MYO3A: variants seen among roughly 807,000 people sequenced by gnomAD.
MYO3A encodes myosin IIIA.
In MYO3A, 180 loss-of-function variants were observed where a neutral mutation model predicts 192.7. The observed-to-expected ratio is 0.93, with a 90% CI of 0.83 to 1.06. The LOEUF (loss-of-function observed/expected upper bound fraction) is 1.06. Among genes scored for constraint, MYO3A ranks in the 50% least tolerant of loss-of-function variants. MYO3A has a pLI of 0.00. For synonymous variants in MYO3A, 628 were observed against 645.3 expected, an observed-to-expected ratio of 0.97 and a Z score of 0.41; for missense variants, 1,896 against 1,905.0, an observed-to-expected ratio of 1.00 and a Z score of 0.09.
At chr10:25,937,829 T>C (rs1175411200) in intron 2 of MYO3A, among the ~76,000 whole-genome samples, 1 of 152,222 alleles carries the variant, frequency 6.6e-6, no homozygotes, top group East Asian at 1.9e-4. Flanking sequence ...AATAAAACAT[T>C]GGTTATGGCT....
At chr10:26,064,747 C>G (rs1521031) in intron 10 of MYO3A, among the ~76,000 whole-genome samples, 71,926 of 151,454 alleles carry the variant, frequency 0.47, 17,860 homozygotes, top group Middle Eastern at 0.59. Flanking sequence ...TGCATGAGGG[C>G]TGTGAGAAAC....
intron 31 of MYO3A, among the ~76,000 whole-genome samples, chr10:26,191,039 A>G (rs1234163824): frequency 6.6e-6 from 1 of 152,232 alleles, no homozygotes; most frequent in African/African-American, 2.4e-5. Flanking sequence ...GATTTTAAAT[A>G]ATATTGAAGC....
chr10:26,155,379 G>GA (rs371840577), intron 25 of MYO3A, among the ~76,000 whole-genome samples: 8 of 152,064 alleles, frequency 5.3e-5, no homozygotes, highest in South Asian at 2.1e-4. Context: ...TAGGATAAAA[G>GA]AAAAAAACCA....
At chr10:26,092,651 CAT>C (rs1346101098) in intron 15 of MYO3A, among the ~76,000 whole-genome samples, 4 of 152,182 alleles carry the variant, frequency 2.6e-5, no homozygotes, top group African/African-American at 9.7e-5. Flanking sequence ...GGTGAACACA[CAT>C]ATGAGACAGC....
chr10:25,966,052 GA>G (rs1388772813), intron 4 of MYO3A, among the ~76,000 whole-genome samples: 1 of 151,756 alleles, frequency 6.6e-6, no homozygotes, highest in African/African-American at 2.4e-5. Flanking sequence ...CGGTTCTTAA[GA>G]AGGTGTTTTT....
At chr10:25,971,370 G>A (rs900972715) in intron 4 of MYO3A, among the ~76,000 whole-genome samples, 4 of 152,090 alleles carry the variant, frequency 2.6e-5, no homozygotes, top group Non-Finnish European at 2.9e-5. Context: ...TAAGTTAAGA[G>A]AAAAAGGAAG....
chr10:25,992,634 T>C (rs1840117583), intron 4 of MYO3A, among the ~76,000 whole-genome samples: 1 of 152,242 alleles, frequency 6.6e-6, no homozygotes, highest in African/African-American at 2.4e-5. Flanking sequence ...CAGTATGATA[T>C]TGGCTGTGGG....
chr10:26,159,382 CAG>C lies in MYO3A; in HGVS notation c.2999+1870_2999+1871del, dbSNP rs1465844239. ...CTTTTTCTTTTTTTTTTTTTTTAGA[CAG>C]AGTCTCGCTCTGTCACCCAGGCTGG... On this transcript the variant is annotated intron_variant, in intron 26 of 34. Coordinates refer to ENST00000642920, the MANE Select transcript of MYO3A (RefSeq NM_017433.5). 2.2e-5 allele frequency among the ~76,000 whole-genome samples: 3 copies of C among 135,188 alleles called. No homozygotes were observed. In the Admixed American group the frequency reaches 2.3e-4, roughly 11 times the overall value. The allele number at this position is 135,188 out of a possible 152,430, so 88.7% of individuals were successfully genotyped here.
chr10:26,203,157 T>C (rs755010954), intron 34 of MYO3A, 50 bp downstream of exon 34: 2 of 1,572,104 alleles, frequency 1.3e-6, no homozygotes, highest in East Asian at 4.5e-5. Context: ...ATACTCACAA[T>C]TTCATTTCTT....
At chr10:26,107,001 A>T (rs1051954231) in intron 17 of MYO3A, among the ~76,000 whole-genome samples, 20 of 151,838 alleles carry the variant, frequency 1.3e-4, no homozygotes, top group Non-Finnish European at 2.5e-4. Flanking sequence ...TCTTTGGCCT[A>T]TGTGAGTTAA....
At chr10:26,086,040 G>C (rs1355008183) in intron 14 of MYO3A, among the ~76,000 whole-genome samples, 2 of 152,034 alleles carry the variant, frequency 1.3e-5, no homozygotes, top group East Asian at 1.9e-4. Context: ...TGCAGGTAGG[G>C]GGAGGCTTGA....
At chr10:26,187,315 G>A (rs772628289) in intron 31 of MYO3A, among the ~76,000 whole-genome samples, 8 of 152,104 alleles carry the variant, frequency 5.3e-5, no homozygotes, top group Admixed American at 1.3e-4. Context: ...TTCCAGGGCT[G>A]CCATAACAAA....
At chr10:25,970,583 AAAGAT>A (rs139105166) in intron 4 of MYO3A, among the ~76,000 whole-genome samples, 6,562 of 152,050 alleles carry the variant, frequency 0.043, 177 homozygotes, top group Middle Eastern at 0.068. Context: ...AAGAAGTAAT[AAAGAT>A]AATAGTAGAA....
At chr10:26,173,134 C>T (rs1842134096) in intron 29 of MYO3A, among the ~76,000 whole-genome samples, 2 of 151,638 alleles carry the variant, frequency 1.3e-5, no homozygotes, top group South Asian at 4.2e-4. Flanking sequence ...AGCAAAGTAG[C>T]AACTGTGAAA....
intron 4 of MYO3A, among the ~76,000 whole-genome samples, chr10:25,995,561 T>TGGA (rs1034858991): frequency 1.3e-5 from 2 of 152,240 alleles, no homozygotes; most frequent in South Asian, 4.1e-4. Flanking sequence ...TGCGTTCCTT[T>TGGA]GGAGGAGGAG....
At chr10:26,172,548 T>C (rs1043820310) in intron 29 of MYO3A, among the ~76,000 whole-genome samples, 2 of 152,216 alleles carry the variant, frequency 1.3e-5, no homozygotes, top group African/African-American at 4.8e-5. Flanking sequence ...AAAACTAACT[T>C]ATAAATGGAT....
chr10:26,145,605 A>G, intron 22 of MYO3A, 71 bp downstream of exon 22: 1 of 1,190,362 alleles, frequency 8.4e-7, no homozygotes, highest in South Asian at 1.2e-5. Context: ...AGACATGAAA[A>G]TTATGGCCCA....
Position 25,996,150 on chromosome 10 carries a change from C to T in MYO3A, c.304-340C>T, listed in dbSNP as rs187967345. On this transcript the variant is annotated intron_variant, in intron 4 of 34. Coordinates refer to ENST00000642920, the MANE Select transcript of MYO3A (RefSeq NM_017433.5). ...CCTCCTTGAGCTGTGGTGGTCTCCA[C>T]GCAGTTCCAGCTTCCTGGCCGCTTT... Among the ~76,000 whole-genome samples the T allele has an allele frequency of 2.3e-3, 350 of 152,156 alleles. 1 individual carries two copies. Among genetic ancestry groups the T allele is most frequent in the African/African-American group, 7.7e-3 (318 of 41,556 alleles).
At chr10:26,118,478 C>T (rs751361995) in intron 17 of MYO3A, among the ~76,000 whole-genome samples, 3 of 152,176 alleles carry the variant, frequency 2.0e-5, no homozygotes, top group Non-Finnish European at 2.9e-5. Context: ...CTCACCTAGA[C>T]CATTGCAGTA....
Sources: gnomAD v4.1 joint callset for allele counts (sites outside exome capture counted in the v4.1 genomes callset) on GRCh38, gnomAD v4.1.1 for gene constraint, MANE v1.5 for transcripts, NCBI Gene and HGNC (gene_info 2026-07-23, HGNC 2026-07-21) for gene names.